MRTFB: variants seen among roughly 807,000 people sequenced by gnomAD.
The protein encoded by MRTFB is myocardin-related transcription factor B.
A neutral mutation model predicts 104.2 loss-of-function variants in MRTFB; 29 were observed. That is an observed-to-expected ratio of 0.28 (90% CI 0.21 to 0.38). The LOEUF (loss-of-function observed/expected upper bound fraction) is 0.38, where lower values mean the gene tolerates loss of function less well. Among genes scored for constraint, MRTFB ranks in the 10% least tolerant of loss-of-function variants. The probability of loss-of-function intolerance (pLI) is 1.00; values close to 1 mark genes in which losing one functional copy is unlikely to be tolerated. For synonymous variants in MRTFB, 535 were observed against 519.5 expected (o/e 1.03, Z -0.41); for missense variants, 1,270 against 1,341.6 (o/e 0.95, Z 0.83).
chr16:14,043,141 T>C, the MRTFB span, among the ~76,000 whole-genome samples: 1 of 152,182 alleles, frequency 6.6e-6, no homozygotes, highest in African/African-American at 2.4e-5. Context: ...GGATATGCAA[T>C]GGGTGTTGCA....
At chr16:14,120,526 G>A (rs1021392517) in intron 2 of MRTFB, among the ~76,000 whole-genome samples, 1 of 151,992 alleles carries the variant, frequency 6.6e-6, no homozygotes, top group African/African-American at 2.4e-5. Flanking sequence ...ACAAGCCAGT[G>A]TCACTGATTG....
chr16:14,172,391 T>C (rs947934698), intron 3 of MRTFB, among the ~76,000 whole-genome samples: 5 of 152,234 alleles, frequency 3.3e-5, no homozygotes, highest in Non-Finnish European at 1.5e-5. Context: ...CTATATAGTA[T>C]TCCATTGTAT....
chr16:14,017,711 A>ATATATATATATATATATATATT, the MRTFB span, among the ~76,000 whole-genome samples: 1 of 33,612 alleles, frequency 3.0e-5, no homozygotes, highest in Non-Finnish European at 5.0e-5. Context: ...ATATATATAT[A>ATATATATATATATATATATATT]TTTTTTTTTT....
intron 3 of MRTFB, among the ~76,000 whole-genome samples, chr16:14,185,065 G>T (rs1333208850): frequency 6.6e-6 from 1 of 152,222 alleles, no homozygotes; most frequent in African/African-American, 2.4e-5. Context: ...TGCATGAGTA[G>T]TTTCTTCAGA....
At chr16:14,001,311 G>A in the MRTFB span, among the ~76,000 whole-genome samples, 2 of 152,192 alleles carry the variant, frequency 1.3e-5, no homozygotes, top group African/African-American at 4.8e-5. Flanking sequence ...TCAGGATTGG[G>A]TTTCTCGGCT....
chr16:14,253,004 C>A (rs796358477), intron 15 of MRTFB, among the ~76,000 whole-genome samples: 3 of 152,312 alleles, frequency 2.0e-5, no homozygotes, highest in African/African-American at 7.2e-5. Flanking sequence ...ATACACTGAG[C>A]AAATGCACTT....
intron 3 of MRTFB, among the ~76,000 whole-genome samples, chr16:14,165,825 C>T (rs1175402598): frequency 6.6e-6 from 1 of 152,208 alleles, no homozygotes; most frequent in Non-Finnish European, 1.5e-5. Context: ...TTTGTGATTA[C>T]TGTTACATGT....
intron 3 of MRTFB, chr16:14,151,593 A>AT (rs562928627): frequency 6.6e-4 from 101 of 152,222 alleles, no homozygotes; most frequent in African/African-American, 2.3e-3. Flanking sequence ...TTCTACAAGT[A>AT]TTTCTTTTTT....
the MRTFB span, among the ~76,000 whole-genome samples, chr16:14,043,876 C>T: frequency 6.6e-6 from 1 of 152,340 alleles, no homozygotes; most frequent in South Asian, 2.1e-4. Context: ...TCTAAGAACT[C>T]ACCATCAAGT....
chr16:14,235,814 T>C (rs1452190743), intron 9 of MRTFB, among the ~76,000 whole-genome samples: 2 of 152,232 alleles, frequency 1.3e-5, no homozygotes, highest in African/African-American at 2.4e-5. Flanking sequence ...ACAACGATTA[T>C]ACTCGAACCG....
chr16:14,100,371 A>T (rs1020167028), intron 2 of MRTFB, among the ~76,000 whole-genome samples: 1 of 152,134 alleles, frequency 6.6e-6, no homozygotes, highest in Non-Finnish European at 1.5e-5. Context: ...TATGGTTGTT[A>T]TTTTTTAATT....
intron 16 of MRTFB, 119 bp from the exon 17 acceptor site, chr16:14,260,790 T>G: frequency 1.2e-6 from 1 of 815,816 alleles, no homozygotes; most frequent in Non-Finnish European, 1.9e-6. Context: ...TTCCTACTTC[T>G]AAGACGGACG....
the MRTFB span, chr16:14,020,507 C>T: frequency 6.6e-6 from 1 of 152,066 alleles, no homozygotes; most frequent in Non-Finnish European, 1.5e-5. Context: ...CAAAGACCAT[C>T]GCAGAGAGTA....
At chr16:14,248,073 G>A (rs2043100233) in intron 12 of MRTFB, 1 of 153,012 alleles carries the variant, frequency 6.5e-6, no homozygotes, top group Non-Finnish European at 1.5e-5. Context: ...ATATGAAGAT[G>A]TCTAAACTAA....
the MRTFB span, among the ~76,000 whole-genome samples, chr16:14,065,087 T>A: frequency 1.3e-5 from 2 of 152,218 alleles, no homozygotes; most frequent in Admixed American, 6.5e-5. Context: ...TTCCTGTCCA[T>A]GAGCGTGGAA....
the MRTFB span, among the ~76,000 whole-genome samples, chr16:13,994,997 C>A: frequency 6.6e-6 from 1 of 151,404 alleles, no homozygotes; most frequent in East Asian, 1.9e-4. Flanking sequence ...TTTCTCAGTA[C>A]GGTTTGGGGA....
intron 2 of MRTFB, among the ~76,000 whole-genome samples, chr16:14,124,637 T>A (rs551862594): frequency 6.6e-6 from 1 of 152,334 alleles, no homozygotes; most frequent in Non-Finnish European, 1.5e-5. Flanking sequence ...GATGAGCTTT[T>A]TGATGTGCTG....
At chr16:14,116,700 A>T (rs2036560542) in intron 2 of MRTFB, among the ~76,000 whole-genome samples, 1 of 152,082 alleles carries the variant, frequency 6.6e-6, no homozygotes, top group African/African-American at 2.4e-5. Flanking sequence ...TGTAAGCACC[A>T]TTGTAAGGTG....
At chr16:14,041,952 C>A in the MRTFB span, among the ~76,000 whole-genome samples, 1 of 152,008 alleles carries the variant, frequency 6.6e-6, no homozygotes, top group Non-Finnish European at 1.5e-5. Context: ...AAATTTAGTT[C>A]TTTGGGGTAT....
Sources: gnomAD v4.1 joint callset for allele counts (sites outside exome capture counted in the v4.1 genomes callset) on GRCh38, gnomAD v4.1.1 for gene constraint, MANE v1.5 for transcripts, NCBI Gene and HGNC (gene_info 2026-07-23, HGNC 2026-07-21) for gene names.